CDH13: variants seen among roughly 807,000 people sequenced by gnomAD.
The protein encoded by CDH13 is cadherin 13.
A neutral mutation model predicts 63.8 loss-of-function variants in CDH13; 24 were observed. The ratio of observed to expected loss-of-function variants is 0.38; its 90% CI spans 0.27 to 0.53. CDH13 has a LOEUF of 0.53. CDH13 is among the 20% of genes least tolerant of loss of function. CDH13 has a pLI of 0.85. For missense variants in CDH13, 1,049 were observed against 903.1 expected, an observed-to-expected ratio of 1.16 and a Z score of -2.07; for synonymous variants, 503 against 355.3, an observed-to-expected ratio of 1.42 and a Z score of -4.67.
intron 2 of CDH13, among the ~76,000 whole-genome samples, chr16:82,866,561 T>A (rs1326835329): frequency 6.6e-6 from 1 of 151,858 alleles, no homozygotes; most frequent in Non-Finnish European, 1.5e-5. Flanking sequence ...GCTAATTTTT[T>A]GTAGTTTTAG....
At chr16:83,388,641 C>G (rs1403856100) in intron 6 of CDH13, among the ~76,000 whole-genome samples, 1 of 152,152 alleles carries the variant, frequency 6.6e-6, no homozygotes, top group Non-Finnish European at 1.5e-5. Flanking sequence ...TGCATGGCCA[C>G]TTTAGGCCCT....
At chr16:82,857,155 A>T (rs1316406372) in intron 1 of CDH13, among the ~76,000 whole-genome samples, 1 of 152,200 alleles carries the variant, frequency 6.6e-6, no homozygotes, top group African/African-American at 2.4e-5. Context: ...CTAGATTCAG[A>T]TGCTGGCTTC....
At chr16:83,594,824 G>T (rs779637159) in intron 7 of CDH13, among the ~76,000 whole-genome samples, 1 of 152,188 alleles carries the variant, frequency 6.6e-6, no homozygotes. Context: ...AACGTCGAGG[G>T]TCTGGTGATG....
intron 1 of CDH13, among the ~76,000 whole-genome samples, chr16:82,849,386 C>T (rs1367672074): frequency 3.3e-5 from 5 of 152,110 alleles, no homozygotes; most frequent in Non-Finnish European, 7.3e-5. Context: ...CCTGTAATAC[C>T]AGCTACTCGG....
intron 5 of CDH13, among the ~76,000 whole-genome samples, chr16:83,335,982 A>G (rs1002688079): frequency 8.6e-5 from 13 of 151,974 alleles, no homozygotes; most frequent in African/African-American, 2.4e-4. Context: ...TTGTCCTGTT[A>G]CAGCCCTACA....
chr16:82,929,694 G>T (rs114494538), intron 2 of CDH13, among the ~76,000 whole-genome samples: 1 of 118,292 alleles, frequency 8.5e-6, no homozygotes, highest in Admixed American at 9.1e-5. Flanking sequence ...GAAGACAGCC[G>T]TTGATGAACC....
intron 7 of CDH13, among the ~76,000 whole-genome samples, chr16:83,523,380 C>T (rs2074884554): frequency 6.6e-6 from 1 of 152,210 alleles, no homozygotes; most frequent in East Asian, 1.9e-4. Flanking sequence ...GATGACCTAG[C>T]CCATGCTCTT....
chr16:83,221,408 C>G (rs1328135222), intron 5 of CDH13, among the ~76,000 whole-genome samples: 1 of 152,166 alleles, frequency 6.6e-6, no homozygotes. Flanking sequence ...CATACTAATG[C>G]AAAGCCTCCT....
chr16:82,812,910 A>G (rs1257220733), intron 1 of CDH13, among the ~76,000 whole-genome samples: 1 of 151,684 alleles, frequency 6.6e-6, no homozygotes, highest in African/African-American at 2.4e-5. Flanking sequence ...CAGAGAGGGT[A>G]GGAGAGAAGG....
rs7206458 is a variant in CDH13 at position 83,413,390 on chromosome 16, A to T, written c.781+68384A>T. On this transcript the variant is annotated intron_variant, in intron 6 of 13. Transcript: ENST00000567109. Reference sequence around the variant, plus strand: ...ACAGAATTTTTCCCCAATTATTATCAGTCACTCCTCCTCCATAGTCCATCA... The same window carrying T: ...ACAGAATTTTTCCCCAATTATTATCTGTCACTCCTCCTCCATAGTCCATCA... Among the ~76,000 whole-genome samples, 170 of 152,110 alleles carry T rather than the reference A, an allele frequency of 1.1e-3. No individual in the cohort carries two copies. The East Asian group carries it at 0.016, about 14-fold the overall frequency.
At chr16:83,786,169 A>T (rs1003793996) in intron 13 of CDH13, among the ~76,000 whole-genome samples, 1 of 152,190 alleles carries the variant, frequency 6.6e-6, no homozygotes, top group African/African-American at 2.4e-5. Context: ...TTAAAATGTG[A>T]ACCAGACAGG....
chr16:83,012,199 A>G (rs1277602220), intron 2 of CDH13, among the ~76,000 whole-genome samples: 1 of 152,062 alleles, frequency 6.6e-6, no homozygotes, highest in African/African-American at 2.4e-5. Flanking sequence ...TATTTTTCTG[A>G]GTTCTTTGGA....
chr16:83,609,096 T>A (rs568463662), intron 8 of CDH13, among the ~76,000 whole-genome samples: 2 of 152,308 alleles, frequency 1.3e-5, no homozygotes, highest in South Asian at 2.1e-4. Context: ...AGGAATATCA[T>A]CAAATTTAAG....
At chr16:83,366,481 C>T (rs1227324466) in intron 6 of CDH13, among the ~76,000 whole-genome samples, 1 of 152,162 alleles carries the variant, frequency 6.6e-6, no homozygotes, top group African/African-American at 2.4e-5. Flanking sequence ...TGCCACAATT[C>T]ACCTCGCTTT....
intron 6 of CDH13, among the ~76,000 whole-genome samples, chr16:83,460,230 T>C (rs758700347): frequency 8.5e-5 from 13 of 152,250 alleles, no homozygotes; most frequent in Non-Finnish European, 1.3e-4. Context: ...TGGTAAATAT[T>C]AAGCCTAGAA....
At chr16:83,562,352 G>C (rs1462113014) in intron 7 of CDH13, among the ~76,000 whole-genome samples, 8 of 152,162 alleles carry the variant, frequency 5.3e-5, no homozygotes, top group African/African-American at 1.9e-4. Context: ...AAATTGCAAA[G>C]TATATAGCAA....
At chr16:83,207,856 T>C (rs1212391453) in intron 4 of CDH13, among the ~76,000 whole-genome samples, 1 of 151,904 alleles carries the variant, frequency 6.6e-6, no homozygotes, top group African/African-American at 2.4e-5. Context: ...CAATGAACAT[T>C]GACTTCCTTA....
intron 6 of CDH13, among the ~76,000 whole-genome samples, chr16:83,406,229 C>CGGTGG (rs1295001933): frequency 2.0e-5 from 3 of 152,154 alleles, no homozygotes; most frequent in Non-Finnish European, 4.4e-5. Context: ...CGGTAGCGCC[C>CGGTGG]GGTGGTAACC....
At chr16:82,685,238 G>A (rs769597534) in intron 1 of CDH13, among the ~76,000 whole-genome samples, 1 of 152,194 alleles carries the variant, frequency 6.6e-6, no homozygotes. Context: ...CAGTTCTGGA[G>A]GCTGGGATGT....
Sources: allele counts gnomAD v4.1 joint callset (sites outside exome capture counted in the v4.1 genomes callset), GRCh38; gene constraint gnomAD v4.1.1; transcripts MANE v1.5; gene names NCBI Gene and HGNC (gene_info 2026-07-23, HGNC 2026-07-21).